The following NREP variants were observed in gnomAD, a reference collection of about 807,000 sequenced individuals.
NREP encodes the protein neuronal regeneration-related protein.
A neutral mutation model predicts 8.6 loss-of-function variants in NREP; 5 were observed. The observed-to-expected ratio is 0.58, with a 90% confidence interval of 0.30 to 1.22. The LOEUF (loss-of-function observed/expected upper bound fraction) is 1.22, where lower values mean the gene tolerates loss of function less well. Ranked by LOEUF, NREP falls within the 50% of genes most tolerant of loss-of-function variation. NREP has a pLI of 0.07. For synonymous variants in NREP, 27 were observed against 28.0 expected (o/e 0.96, Z 0.11); for missense variants, 86 against 82.5 (o/e 1.04, Z -0.17).
At chr5:111,851,072 G>T (rs1004575642) in intron 2 of NREP, among the ~76,000 whole-genome samples, 2 of 152,146 alleles carry the variant, frequency 1.3e-5, no homozygotes, top group Non-Finnish European at 2.9e-5. Flanking sequence ...ACTGGGTCAT[G>T]ACAATCTAGT....
chr5:111,735,928 A>G (rs7720886), intron 2 of NREP, among the ~76,000 whole-genome samples: 19,584 of 152,162 alleles, frequency 0.13, 1,578 homozygotes, highest in African/African-American at 0.22. Context: ...GAATAAAATA[A>G]AAGAGGAAAG....
rs139190431 is a variant in NREP, at chr5:111,831,598, C to T, written c.136-96091G>A. Among the ~76,000 whole-genome samples, 571 of 152,316 alleles carry T rather than the reference C, an allele frequency of 3.7e-3. 2 individuals are homozygous for T. Among genetic ancestry groups the T allele is most frequent in the African/African-American group, 0.012 (500 of 41,580 alleles). On this transcript the variant is annotated intron_variant, in intron 2 of 3. Transcript: ENST00000395634. The stretch of plus-strand genomic sequence containing the variant: ...TGACTCTACCACTCTTTCCTCCCAC[C>T]GGTTCACCCACTTGTGCAAGACAGT...
intron 2 of NREP, among the ~76,000 whole-genome samples, chr5:111,792,624 T>C (rs999857298): frequency 3.9e-5 from 6 of 152,154 alleles, no homozygotes; most frequent in African/African-American, 1.4e-4. Context: ...ATAAATAGTA[T>C]CTATCATACT....
At chr5:111,836,403 T>C (rs971488106) in intron 2 of NREP, among the ~76,000 whole-genome samples, 4 of 151,916 alleles carry the variant, frequency 2.6e-5, no homozygotes, top group Non-Finnish European at 4.4e-5. Flanking sequence ...ATTAGCAAAA[T>C]TCTGGAGGTG....
At chr5:111,808,757 A>T (rs558336062) in intron 2 of NREP, among the ~76,000 whole-genome samples, 7 of 152,154 alleles carry the variant, frequency 4.6e-5, no homozygotes, top group Non-Finnish European at 8.8e-5. Flanking sequence ...AGCACTCTAC[A>T]CTTTTCCTAT....
intron 2 of NREP, 101 bp downstream of exon 2, chr5:111,755,668 AG>A: frequency 1.5e-6 from 2 of 1,305,950 alleles, no homozygotes; most frequent in Non-Finnish European, 2.2e-6. Context: ...GATGGGGTGT[AG>A]AACAATGAAG....
intron 2 of NREP, among the ~76,000 whole-genome samples, chr5:111,852,305 A>C (rs972415051): frequency 6.6e-6 from 1 of 152,082 alleles, no homozygotes; most frequent in Non-Finnish European, 1.5e-5. Context: ...TTGCTGTTGC[A>C]TCAGAGCCTC....
chr5:111,812,862 A>G (rs920540473), intron 2 of NREP, among the ~76,000 whole-genome samples: 1 of 152,212 alleles, frequency 6.6e-6, no homozygotes, highest in Admixed American at 6.5e-5. Context: ...CATACATGTC[A>G]TGATTTCCTA....
chr5:111,737,727 AAAC>A (rs1171214241), intron 2 of NREP, among the ~76,000 whole-genome samples: 3 of 143,306 alleles, frequency 2.1e-5, no homozygotes, highest in African/African-American at 8.4e-5. Context: ...AAAAAAAAAA[AAAC>A]AAAAACAAAA....
chr5:111,973,591 T>G (rs964918699), intron 2 of NREP, among the ~76,000 whole-genome samples: 18 of 152,232 alleles, frequency 1.2e-4, no homozygotes, highest in Non-Finnish European at 2.2e-4. Context: ...CTGAAATTTC[T>G]GTGTTCCTAT....
At chr5:111,738,185 A>G (rs1749320931) in intron 2 of NREP, 1 of 152,136 alleles carries the variant, frequency 6.6e-6, no homozygotes, top group South Asian at 2.1e-4. Flanking sequence ...AATATGATCT[A>G]TCTGCATTAC....
chr5:111,817,632 C>T (rs1044387038), intron 2 of NREP, among the ~76,000 whole-genome samples: 15 of 151,698 alleles, frequency 9.9e-5, no homozygotes, highest in Non-Finnish European at 1.9e-4. Context: ...GGTGAAACCT[C>T]GTCTCTACTA....
intron 2 of NREP, among the ~76,000 whole-genome samples, chr5:111,769,427 C>G (rs963559388): frequency 6.6e-6 from 1 of 152,084 alleles, no homozygotes. Flanking sequence ...ACAAAATGAC[C>G]GGGCAAAGAA....
intron 2 of NREP, among the ~76,000 whole-genome samples, chr5:111,842,139 C>G (rs1437893992): frequency 1.3e-5 from 2 of 152,148 alleles, no homozygotes; most frequent in African/African-American, 4.8e-5. Context: ...CTCCTTGATG[C>G]ACCTACCAAC....
chr5:111,927,398 G>A (rs1225745029), intron 2 of NREP, among the ~76,000 whole-genome samples: 2 of 152,122 alleles, frequency 1.3e-5, no homozygotes, highest in African/African-American at 4.8e-5. Context: ...CTAGCAGAAA[G>A]GGTGAAAGGA....
chr5:111,927,362 A>C (rs529103682), intron 2 of NREP, among the ~76,000 whole-genome samples: 1 of 152,288 alleles, frequency 6.6e-6, no homozygotes, highest in South Asian at 2.1e-4. Context: ...AATCCAAAAA[A>C]GAATGACCAG....
intron 2 of NREP, among the ~76,000 whole-genome samples, chr5:111,830,649 G>A (rs897591233): frequency 4.6e-5 from 7 of 152,186 alleles, no homozygotes; most frequent in Non-Finnish European, 5.9e-5. Context: ...GTGTGATTAG[G>A]GGTGTGGCTG....
At chr5:111,827,846 AAAC>A (rs1444913303) in intron 2 of NREP, among the ~76,000 whole-genome samples, 4 of 151,974 alleles carry the variant, frequency 2.6e-5, no homozygotes, top group African/African-American at 9.7e-5. Context: ...CTGTCTCAAA[AAAC>A]AAAAGAAAAC....
chr5:111,898,698 C>G (rs1209507330), intron 2 of NREP, among the ~76,000 whole-genome samples: 1 of 152,088 alleles, frequency 6.6e-6, no homozygotes, highest in Non-Finnish European at 1.5e-5. Flanking sequence ...TAAAAACTTC[C>G]CACATCTTGC....
Sources: allele counts gnomAD v4.1 joint callset (sites outside exome capture counted in the v4.1 genomes callset), GRCh38; gene constraint gnomAD v4.1.1; transcripts MANE v1.5; gene names NCBI Gene and HGNC (gene_info 2026-07-23, HGNC 2026-07-21).